Variants in GRIN2B observed in about 807,000 individuals in gnomAD.
GRIN2B encodes glutamate ionotropic receptor NMDA type subunit 2B.
Under a neutral mutation model 114.5 loss-of-function variants are expected in GRIN2B, and 5 were observed. That is an observed-to-expected ratio of 0.04 (90% CI 0.02 to 0.09). The LOEUF (loss-of-function observed/expected upper bound fraction) is 0.09, where lower values mean the gene tolerates loss of function less well. Among genes scored for constraint, GRIN2B ranks in the 10% least tolerant of loss-of-function variants. The pLI is 1.00. For synonymous variants in GRIN2B, 787 were observed against 745.1 expected (o/e 1.06, Z -0.92); for missense variants, 1,108 against 1,943.5 (o/e 0.57, Z 8.08).
At chr12:13,601,861 A>G (rs1949166225) in intron 10 of GRIN2B, among the ~76,000 whole-genome samples, 1 of 152,158 alleles carries the variant, frequency 6.6e-6, no homozygotes, top group Admixed American at 6.5e-5. Context: ...GAAGTTAAGG[A>G]TCTCTTGTCT....
chr12:13,746,901 G>A (rs116920176), intron 4 of GRIN2B, among the ~76,000 whole-genome samples: 3,936 of 152,220 alleles, frequency 0.026, 76 homozygotes, highest in Non-Finnish European at 0.042. Context: ...ATGAGTGGAA[G>A]TTTCCTGAGG....
intron 4 of GRIN2B, among the ~76,000 whole-genome samples, chr12:13,710,342 C>A (rs7301995): frequency 6.6e-6 from 1 of 152,094 alleles, no homozygotes; most frequent in African/African-American, 2.4e-5. Flanking sequence ...CCTCTCTCAC[C>A]GCTCCTATTC....
chr12:13,822,368 A>G (rs905564826), intron 3 of GRIN2B, among the ~76,000 whole-genome samples: 1 of 152,194 alleles, frequency 6.6e-6, no homozygotes, highest in Admixed American at 6.5e-5. Flanking sequence ...TCAATCGGGC[A>G]CATTGTATGT....
intron 3 of GRIN2B, among the ~76,000 whole-genome samples, chr12:13,785,575 C>T (rs1261613983): frequency 6.6e-6 from 1 of 152,132 alleles, no homozygotes; most frequent in Non-Finnish European, 1.5e-5. Context: ...CAATCACTCA[C>T]CAAAGTCTCA....
Position 13,569,819 on chromosome 12 carries a change from C to G in GRIN2B, c.2359+11G>C. 6.4e-7 allele frequency: 1 copy of G among 1,572,642 alleles called. No individual in the cohort carries two copies. The highest frequency in any genetic ancestry group is 2.3e-5 in the East Asian group (1 of 44,304). On this transcript the variant is annotated intron_variant, in intron 12 of 13. Coordinates refer to ENST00000609686, the MANE Select transcript of GRIN2B (RefSeq NM_000834.5). ...GAGGACAAATGGGCACTTTCCCTTT[C>G]TTGAACTCACCATCTCCAAAGAGCT...
At chr12:13,748,593 C>G (rs1461547572) in intron 4 of GRIN2B, among the ~76,000 whole-genome samples, 2 of 152,138 alleles carry the variant, frequency 1.3e-5, no homozygotes, top group East Asian at 1.9e-4. Context: ...TCTCAGGAAC[C>G]AAGAAAATTC....
intron 3 of GRIN2B, among the ~76,000 whole-genome samples, chr12:13,835,447 T>G (rs887060506): frequency 5.3e-5 from 8 of 152,068 alleles, no homozygotes; most frequent in African/African-American, 1.9e-4. Flanking sequence ...TGTCTCTTCC[T>G]TACCTCTTGC....
intron 2 of GRIN2B, among the ~76,000 whole-genome samples, chr12:13,883,087 C>T (rs1866094867): frequency 6.6e-6 from 1 of 152,166 alleles, no homozygotes; most frequent in African/African-American, 2.4e-5. Flanking sequence ...TGTATCAGAA[C>T]TTCATCCTTT....
chr12:13,927,710 T>C (rs1304998519), intron 2 of GRIN2B, among the ~76,000 whole-genome samples: 1 of 151,564 alleles, frequency 6.6e-6, no homozygotes, highest in Non-Finnish European at 1.5e-5. Context: ...TCCCAGCAAT[T>C]TGGGAGGCTG....
At position 13,548,618 on chromosome 12, in the gene GRIN2B, A is replaced by C. The variant is rs1948374681; in HGVS notation, c.*14165T>G. The C allele has an allele frequency of 6.6e-6, 1 of 152,080 alleles. No individual in the cohort carries two copies. Among genetic ancestry groups the C allele is most frequent in the African/African-American group, 2.4e-5 (1 of 41,392 alleles). The allele number at this position is 152,080 out of a possible 1,614,324, so 9.4% of individuals were successfully genotyped here. On this transcript the variant is annotated 3_prime_UTR_variant, in exon 14 of 14. Coordinates refer to ENST00000609686, the MANE Select transcript of GRIN2B (RefSeq NM_000834.5). ...CATCATGATCCAGGTATCTGTAATG[A>C]CACTCATGAAAAAGATGAAGTCACC...
intron 2 of GRIN2B, among the ~76,000 whole-genome samples, chr12:13,900,049 A>G (rs11055671): frequency 0.11 from 16,319 of 152,160 alleles, 1,567 homozygotes; most frequent in East Asian, 0.43. Flanking sequence ...CTCTTTCTCT[A>G]TTTGTTAAAT....
At chr12:13,933,095 T>C (rs1240353062) in intron 2 of GRIN2B, among the ~76,000 whole-genome samples, 3 of 152,138 alleles carry the variant, frequency 2.0e-5, no homozygotes, top group African/African-American at 7.2e-5. Flanking sequence ...GCATGTTTCC[T>C]TTCCCCTTGC....
intron 5 of GRIN2B, among the ~76,000 whole-genome samples, chr12:13,673,806 T>C (rs1950045228): frequency 1.3e-5 from 2 of 151,828 alleles, no homozygotes; most frequent in Non-Finnish European, 2.9e-5. Flanking sequence ...CTTGAGACAG[T>C]AATTGTGAGC....
chr12:13,964,753 G>A (rs931026851), intron 2 of GRIN2B, among the ~76,000 whole-genome samples: 10 of 152,232 alleles, frequency 6.6e-5, no homozygotes, highest in Admixed American at 1.3e-4. Flanking sequence ...TGGGAAGGCA[G>A]CAAAGATGAA....
chr12:13,560,958 G>C lies in GRIN2B; in HGVS notation c.*1825C>G, dbSNP rs1948535346. ...AGCACCTTTCTGGTTTATGTGTCCT[G>C]TGTGCAACATGGCGATCCTGCAGTC... is the stretch of plus-strand genomic sequence containing the variant. On this transcript the variant is annotated 3_prime_UTR_variant, in exon 14 of 14. Coordinates refer to ENST00000609686, the MANE Select transcript of GRIN2B (RefSeq NM_000834.5). 1 of 152,216 alleles carries C rather than the reference G, an allele frequency of 6.6e-6. No homozygotes were observed. Among genetic ancestry groups the C allele is most frequent in the Non-Finnish European group, 1.5e-5 (1 of 68,150 alleles). 9.4% of individuals were successfully genotyped at this position (152,216 alleles called of 1,614,324 possible). A position where few individuals can be genotyped will look rare whatever the true frequency, so the allele number is the denominator to read the frequency against.
At chr12:13,777,185 C>A (rs1277744591) in intron 3 of GRIN2B, among the ~76,000 whole-genome samples, 2 of 152,122 alleles carry the variant, frequency 1.3e-5, no homozygotes, top group African/African-American at 2.4e-5. Flanking sequence ...CCTCCTGGTA[C>A]TAGAAACGCA....
Position 13,540,924 on chromosome 12 carries a change from G to C in GRIN2B, c.*21859C>G, listed in dbSNP as rs1423881297. ...GCTATGACCATTTCCCCTCTGCCAT[G>C]TGACTTTGGGAGGGGTGCAGCTGTG... On this transcript the variant is annotated 3_prime_UTR_variant, in exon 14 of 14. Coordinates refer to ENST00000609686, the MANE Select transcript of GRIN2B (RefSeq NM_000834.5). 6.6e-6 allele frequency: 1 copy of C among 152,246 alleles called. No homozygotes were observed. The highest frequency in any genetic ancestry group is 2.4e-5 in the African/African-American group (1 of 41,424). The allele number at this position is 152,246 out of a possible 1,614,324, so 9.4% of individuals were successfully genotyped here.
intron 4 of GRIN2B, among the ~76,000 whole-genome samples, chr12:13,713,210 A>G (rs1380725707): frequency 2.0e-5 from 3 of 151,956 alleles, no homozygotes; most frequent in Non-Finnish European, 2.9e-5. Context: ...AGTTAACAAC[A>G]TGACTTTTTT....
At chr12:13,698,165 G>A (rs1223273442) in intron 4 of GRIN2B, among the ~76,000 whole-genome samples, 1 of 152,258 alleles carries the variant, frequency 6.6e-6, no homozygotes, top group African/African-American at 2.4e-5. Flanking sequence ...ACACACTGCT[G>A]AGGGATGCGC....
Sources: gnomAD v4.1 joint callset for allele counts (sites outside exome capture counted in the v4.1 genomes callset) on GRCh38, gnomAD v4.1.1 for gene constraint, MANE v1.5 for transcripts, NCBI Gene and HGNC (gene_info 2026-07-23, HGNC 2026-07-21) for gene names.